Variants in PSPH observed in about 807,000 individuals in gnomAD.
PSPH encodes phosphoserine phosphatase.
PSPH carries 16 observed loss-of-function variants against 23.4 expected under a neutral mutation model. The ratio of observed to expected loss-of-function variants is 0.68; its 90% CI spans 0.46 to 1.04. The LOEUF is 1.04. Ranked by LOEUF, PSPH falls within the 50% of genes least tolerant of loss-of-function variation. The pLI is 0.00. For missense variants in PSPH, 223 were observed against 273.7 expected (o/e 0.81, Z 1.31); for synonymous variants, 68 against 99.7 (o/e 0.68, Z 1.89).
chr7:56,040,951 G>A (rs1792448238), intron 1 of PSPH, among the ~76,000 whole-genome samples: 1 of 152,072 alleles, frequency 6.6e-6, no homozygotes, highest in Non-Finnish European at 1.5e-5. Context: ...GGGGTAAAGG[G>A]CATCTCTCCT....
chr7:56,020,920 T>C (rs1421431262), intron 4 of PSPH, among the ~76,000 whole-genome samples, 153 bp downstream of exon 4: 3 of 152,250 alleles, frequency 2.0e-5, no homozygotes, highest in African/African-American at 7.2e-5. Context: ...TAAATATTTA[T>C]ATAAATGAAT....
rs897651886 is a variant in PSPH at position 56,043,922 on chromosome 7, T to C, written c.-292+7216A>G. Among the ~76,000 whole-genome samples the C allele has an allele frequency of 4.6e-5, 7 of 152,266 alleles. 1 individual carries two copies. The highest frequency in any genetic ancestry group is 3.3e-4 in the Admixed American group (5 of 15,266). The stretch of plus-strand genomic sequence containing the variant: ...CACACAAAGGCTACAAACGATAGTT[T>C]TGAACATACAGGAATTCTGGGGATA... On this transcript the variant is annotated intron_variant, in intron 1 of 7. Coordinates refer to ENST00000275605, the MANE Select transcript of PSPH (RefSeq NM_004577.4).
rs1333063804 is a variant in PSPH at position 56,025,897 on chromosome 7, T to C, written c.-19-4666A>G. On this transcript the variant is annotated intron_variant, in intron 3 of 7. Transcript: ENST00000275605. ...GGCATGAGCCACCGCACCCGGCCTA[T>C]GTCATGTGTTTTTTTATTCCTCTAC... 2.6e-5 allele frequency among the ~76,000 whole-genome samples: 4 copies of C among 152,202 alleles called. No individual in the cohort carries two copies. The East Asian group carries it at 5.8e-4, about 22-fold the overall frequency.
chr7:56,037,025 G>C (rs959598654), intron 1 of PSPH, among the ~76,000 whole-genome samples: 3 of 151,918 alleles, frequency 2.0e-5, no homozygotes, highest in African/African-American at 4.8e-5. Context: ...AATACAAAAA[G>C]TAGCCAGGCC....
intron 6 of PSPH, among the ~76,000 whole-genome samples, chr7:56,016,756 T>C (rs1480109987): frequency 6.6e-6 from 1 of 151,788 alleles, no homozygotes; most frequent in Non-Finnish European, 1.5e-5. Flanking sequence ...TTTTTTTTTT[T>C]AGCAGAGTTG....
chr7:56,035,936 A>G (rs114021716), intron 1 of PSPH, among the ~76,000 whole-genome samples: 1,560 of 151,796 alleles, frequency 0.01, 21 homozygotes, highest in African/African-American at 0.035. Flanking sequence ...AGTTTTTTAA[A>G]AAGCATAATA....
At chr7:56,031,400 A>G (rs534410881) in intron 3 of PSPH, among the ~76,000 whole-genome samples, 13 of 152,322 alleles carry the variant, frequency 8.5e-5, no homozygotes, top group Middle Eastern at 6.8e-3. Context: ...AAACCTGCAC[A>G]TGTACTCCTT....
chr7:56,015,306 T>C, intron 6 of PSPH, 135 bp from the exon 7 acceptor site: 1 of 882,078 alleles, frequency 1.1e-6, no homozygotes, highest in Non-Finnish European at 1.9e-6. Context: ...TCACACAGCC[T>C]GGAGCTCCAC....
intron 6 of PSPH, among the ~76,000 whole-genome samples, chr7:56,015,862 T>C (rs1031336287): frequency 4.0e-5 from 6 of 151,830 alleles, no homozygotes; most frequent in African/African-American, 1.5e-4. Context: ...TTTGCCACAT[T>C]GGCCAGGCTG....
intron 1 of PSPH, among the ~76,000 whole-genome samples, chr7:56,043,698 TG>T (rs1237718029): frequency 1.7e-5 from 2 of 117,806 alleles, no homozygotes; most frequent in Non-Finnish European, 3.3e-5. Context: ...AAAAATTCAC[TG>T]GGCGTGGTGG....
At chr7:56,014,915 C>A in intron 7 of PSPH, 108 bp downstream of exon 7, 2 of 1,226,300 alleles carry the variant, frequency 1.6e-6, no homozygotes, top group Non-Finnish European at 2.2e-6. Flanking sequence ...TGCACTCCAA[C>A]CTGGGCAACA....
chr7:56,015,720 G>A (rs149854213), intron 6 of PSPH, among the ~76,000 whole-genome samples: 142 of 152,230 alleles, frequency 9.3e-4, no homozygotes, highest in Middle Eastern at 6.8e-3. Flanking sequence ...GTGCAGTGGT[G>A]TGATCTCGGC....
Position 56,022,876 on chromosome 7 carries a change from T to C in PSPH, c.-19-1645A>G, listed in dbSNP as rs1789661850. On this transcript the variant is annotated intron_variant, in intron 3 of 7. Transcript: ENST00000275605. ...GAGTTCAAGACCATCCTGGCCAACA[T>C]GGCAAAACCCCATCTCTACTAAAAA... Among the ~76,000 whole-genome samples the C allele has an allele frequency of 2.0e-5, 3 of 152,058 alleles. No homozygotes were observed. In the South Asian group the frequency reaches 6.2e-4, roughly 31 times the overall value.
chr7:56,043,819 C>A (rs1342200827), intron 1 of PSPH, among the ~76,000 whole-genome samples: 3 of 152,126 alleles, frequency 2.0e-5, no homozygotes, highest in African/African-American at 4.8e-5. Flanking sequence ...CAGAGCAAGA[C>A]CCTGTCTCAA....
At chr7:56,041,284 C>T (rs960407539) in intron 1 of PSPH, among the ~76,000 whole-genome samples, 7 of 149,828 alleles carry the variant, frequency 4.7e-5, no homozygotes, top group African/African-American at 1.7e-4. Context: ...ACAATCTCAG[C>T]TCACTGCAAC....
At chr7:56,047,325 T>C (rs1382440000) in intron 1 of PSPH, among the ~76,000 whole-genome samples, 1 of 151,292 alleles carries the variant, frequency 6.6e-6, no homozygotes, top group Non-Finnish European at 1.5e-5. Context: ...AGGTTCAGGC[T>C]GCAGTAAGCT....
chr7:56,014,966 A>G, intron 7 of PSPH, 57 bp downstream of exon 7: 1 of 1,472,972 alleles, frequency 6.8e-7, no homozygotes, highest in Non-Finnish European at 9.1e-7. Context: ...GAAATAATAA[A>G]TAAATAAATA....
intron 1 of PSPH, among the ~76,000 whole-genome samples, chr7:56,038,453 C>T (rs111791854): frequency 0.15 from 22,689 of 151,730 alleles, 1,902 homozygotes; most frequent in Non-Finnish European, 0.19. Flanking sequence ...AGCGAGACTC[C>T]GTCTAAAAAA....
chr7:56,020,055 A>T (rs966922418), intron 4 of PSPH, among the ~76,000 whole-genome samples: 4 of 100,172 alleles, frequency 4.0e-5, no homozygotes, highest in African/African-American at 2.6e-4. Context: ...CATCTTTACT[A>T]AAAAAATGCA....
Sources: allele counts gnomAD v4.1 joint callset (sites outside exome capture counted in the v4.1 genomes callset), GRCh38; gene constraint gnomAD v4.1.1; transcripts MANE v1.5; gene names NCBI Gene and HGNC (gene_info 2026-07-23, HGNC 2026-07-21).